LMX1A: variants seen among roughly 807,000 people sequenced by gnomAD.
LMX1A encodes LIM homeobox transcription factor 1-alpha.
A neutral mutation model predicts 49.1 loss-of-function variants in LMX1A; 15 were observed. The observed-to-expected ratio is 0.31, with a 90% CI of 0.20 to 0.47. LMX1A has a LOEUF of 0.47. Ranked by LOEUF, LMX1A falls within the 20% of genes least tolerant of loss-of-function variation. The probability of loss-of-function intolerance (pLI) is 1.00; values close to 1 mark genes in which losing one functional copy is unlikely to be tolerated. For missense variants in LMX1A, 372 were observed against 475.8 expected (o/e 0.78, Z 2.03); for synonymous variants, 167 against 185.7 (o/e 0.90, Z 0.82).
intron 3 of LMX1A, among the ~76,000 whole-genome samples, chr1:165,297,695 G>C (rs1277356131): frequency 6.6e-6 from 1 of 152,146 alleles, no homozygotes; most frequent in South Asian, 2.1e-4. Context: ...TTCCAGGGCT[G>C]TGTCCCAAAT....
intron 4 of LMX1A, among the ~76,000 whole-genome samples, chr1:165,245,831 G>A (rs561056565): frequency 3.9e-5 from 6 of 151,940 alleles, no homozygotes; most frequent in African/African-American, 9.7e-5. Flanking sequence ...CTGTCTTTGC[G>A]CGGTTCTGCT....
chr1:165,292,008 G>A (rs1654483684), intron 3 of LMX1A, among the ~76,000 whole-genome samples: 1 of 143,700 alleles, frequency 7.0e-6, no homozygotes, highest in Non-Finnish European at 1.5e-5. Context: ...CTTGCAGTGA[G>A]TCGAGATCGC....
intron 3 of LMX1A, 123 bp from the exon 4 acceptor site, chr1:165,249,763 G>C: frequency 1.5e-6 from 1 of 687,302 alleles, no homozygotes; most frequent in South Asian, 1.8e-5. Flanking sequence ...AGAATGGAAT[G>C]TACTTTAAAT....
intron 3 of LMX1A, among the ~76,000 whole-genome samples, chr1:165,311,612 C>G (rs918222113): frequency 6.6e-6 from 1 of 152,240 alleles, no homozygotes; most frequent in Non-Finnish European, 1.5e-5. Context: ...TGAAGACCAA[C>G]AGCCTCCTTC....
Position 165,339,786 on chromosome 1 carries a change from C to T in LMX1A, c.263+13290G>A, listed in dbSNP as rs144555673. On this transcript the variant is annotated intron_variant, in intron 3 of 8. Transcript: ENST00000342310. ...CAAAGCAGGGGCAGAACCTGTGCCC[C>T]AGATGTGCCCCTCACCCTTCCCTAG... is the stretch of plus-strand genomic sequence containing the variant. Among the ~76,000 whole-genome samples the T allele has an allele frequency of 3.5e-3, 535 of 152,264 alleles. 1 individual carries two copies. Among genetic ancestry groups the T allele is most frequent in the African/African-American group, 0.012 (512 of 41,550 alleles).
intron 3 of LMX1A, among the ~76,000 whole-genome samples, chr1:165,284,453 C>T (rs940929953): frequency 6.6e-6 from 1 of 152,178 alleles, no homozygotes; most frequent in Non-Finnish European, 1.5e-5. Context: ...ACAACAAACA[C>T]TGAACGCTCA....
intron 3 of LMX1A, among the ~76,000 whole-genome samples, chr1:165,346,496 G>A (rs922453690): frequency 2.0e-5 from 3 of 152,202 alleles, no homozygotes; most frequent in Non-Finnish European, 2.9e-5. Flanking sequence ...GCAGCAAGGC[G>A]ACAAGCTCTA....
chr1:165,251,541 A>G (rs1653061150), intron 3 of LMX1A, among the ~76,000 whole-genome samples: 1 of 152,180 alleles, frequency 6.6e-6, no homozygotes, highest in Non-Finnish European at 1.5e-5. Flanking sequence ...AGAAGGGGGC[A>G]GAGCCTACAG....
At chr1:165,277,142 A>G (rs998414876) in intron 3 of LMX1A, among the ~76,000 whole-genome samples, 1 of 152,096 alleles carries the variant, frequency 6.6e-6, no homozygotes, top group African/African-American at 2.4e-5. Flanking sequence ...TGAGTAATGG[A>G]TTTGTGTGGG....
At chr1:165,291,461 G>A (rs1016407911) in intron 3 of LMX1A, among the ~76,000 whole-genome samples, 1 of 152,126 alleles carries the variant, frequency 6.6e-6, no homozygotes, top group African/African-American at 2.4e-5. Flanking sequence ...CCTCTCTGTG[G>A]TTCAGTTTCT....
chr1:165,356,262 G>T (rs1228221013), intron 1 of LMX1A, 93 bp downstream of exon 1: 2 of 152,288 alleles, frequency 1.3e-5, no homozygotes, highest in African/African-American at 4.8e-5. Flanking sequence ...GAGGAGCCCC[G>T]GCTGGCCCGG....
Position 165,205,863 on chromosome 1 carries a change from C to T in LMX1A, c.988+1G>A. The T allele has an allele frequency of 1.2e-6, 2 of 1,613,852 alleles. No individual in the cohort carries two copies. Among genetic ancestry groups the T allele is most frequent in the Non-Finnish European group, 1.7e-6 (2 of 1,179,958 alleles). Reference sequence around the variant, plus strand: ...GCCCGAGGGGCTTAAGTCCCTCTTACCATAAGGGTGCATGTGGTCTCCAGG... The same window carrying T: ...GCCCGAGGGGCTTAAGTCCCTCTTATCATAAGGGTGCATGTGGTCTCCAGG... On this transcript the variant is annotated splice_donor_variant, in intron 8 of 8. Coordinates refer to ENST00000342310, the MANE Select transcript of LMX1A (RefSeq NM_177398.4). LOFTEE classifies it high-confidence loss of function.
chr1:165,264,416 G>A (rs1653550101), intron 3 of LMX1A, among the ~76,000 whole-genome samples: 1 of 147,764 alleles, frequency 6.8e-6, no homozygotes, highest in Admixed American at 6.8e-5. Context: ...GCATGCATAT[G>A]CTCGCACACA....
At position 165,320,624 on chromosome 1, in the gene LMX1A, G is replaced by T. The variant is rs555052151; in HGVS notation, c.263+32452C>A. On this transcript the variant is annotated intron_variant, in intron 3 of 8. Coordinates refer to ENST00000342310, the MANE Select transcript of LMX1A (RefSeq NM_177398.4). ...AAAAGAGACGTTCATACATTCAGCAGAAACTTCAGAGGAATCCCTAAGATC... is the reference window on the plus strand; with the variant it reads ...AAAAGAGACGTTCATACATTCAGCATAAACTTCAGAGGAATCCCTAAGATC... 1.4e-4 allele frequency among the ~76,000 whole-genome samples: 22 copies of T among 152,264 alleles called. No individual in the cohort carries two copies. In the South Asian group the frequency reaches 3.9e-3, roughly 27 times the overall value.
chr1:165,283,788 C>G (rs1380523386), intron 3 of LMX1A, among the ~76,000 whole-genome samples: 1 of 152,210 alleles, frequency 6.6e-6, no homozygotes, highest in Non-Finnish European at 1.5e-5. Context: ...GGTCTTCTAA[C>G]CAATAAAATA....
intron 8 of LMX1A, among the ~76,000 whole-genome samples, chr1:165,205,065 A>C (rs1022912221): frequency 2.6e-5 from 4 of 152,170 alleles, no homozygotes; most frequent in African/African-American, 7.2e-5. Context: ...TGAATCTCTG[A>C]TACTAATGTT....
intron 3 of LMX1A, among the ~76,000 whole-genome samples, chr1:165,258,109 C>T (rs929191300): frequency 6.6e-6 from 1 of 152,208 alleles, no homozygotes; most frequent in Admixed American, 6.5e-5. Context: ...GTTTCCACCT[C>T]TCCACCAGGG....
chr1:165,232,380 A>G (rs1164282905), intron 4 of LMX1A, among the ~76,000 whole-genome samples: 2 of 152,380 alleles, frequency 1.3e-5, no homozygotes, highest in East Asian at 3.9e-4. Flanking sequence ...TGGTTTTATC[A>G]GCCTCTTGAA....
chr1:165,207,849 A>G (rs1041396835), intron 7 of LMX1A, among the ~76,000 whole-genome samples: 1 of 152,160 alleles, frequency 6.6e-6, no homozygotes, highest in Admixed American at 6.5e-5. Context: ...GCCATCCCCA[A>G]TCAGCAGTTC....
Sources: gnomAD v4.1 joint callset for allele counts (sites outside exome capture counted in the v4.1 genomes callset) on GRCh38, gnomAD v4.1.1 for gene constraint, MANE v1.5 for transcripts, NCBI Gene and HGNC (gene_info 2026-07-23, HGNC 2026-07-21) for gene names.